The following RBFOX1 variants were observed in gnomAD, a reference collection of about 807,000 sequenced individuals.
RBFOX1 encodes the protein RNA binding protein fox-1 homolog 1.
Under a neutral mutation model 57.7 loss-of-function variants are expected in RBFOX1, and 8 were observed. The observed-to-expected ratio is 0.14, with a 90% CI of 0.08 to 0.25. RBFOX1 has a LOEUF of 0.25. Among genes scored for constraint, RBFOX1 ranks in the 10% least tolerant of loss-of-function variants. RBFOX1 has a pLI of 1.00. For synonymous variants in RBFOX1, 326 were observed against 222.4 expected (o/e 1.47, Z -4.15); for missense variants, 611 against 548.5 (o/e 1.11, Z -1.14).
chr16:7,691,653 C>G (rs575501043), intron 14 of RBFOX1, among the ~76,000 whole-genome samples: 38 of 152,184 alleles, frequency 2.5e-4, no homozygotes, highest in African/African-American at 8.4e-4. Flanking sequence ...TAAAAGTTAC[C>G]TATTCGTTCA....
chr16:5,483,785 C>G (rs1048674567), intron 2 of RBFOX1, among the ~76,000 whole-genome samples: 1 of 152,156 alleles, frequency 6.6e-6, no homozygotes, highest in Non-Finnish European at 1.5e-5. Context: ...AAACAACAGA[C>G]ATTTATTATT....
At chr16:5,658,363 G>A (rs1019337768) in intron 3 of RBFOX1, among the ~76,000 whole-genome samples, 11 of 152,250 alleles carry the variant, frequency 7.2e-5, no homozygotes, top group Admixed American at 7.2e-4. Context: ...GGGGACCCAG[G>A]CTGTCCTTCC....
chr16:7,160,427 C>T (rs1053207869), intron 4 of RBFOX1, among the ~76,000 whole-genome samples: 1 of 142,000 alleles, frequency 7.0e-6, no homozygotes, highest in African/African-American at 2.5e-5. Flanking sequence ...TTCCTTCCTT[C>T]TTTCGTAAGG....
chr16:5,851,510 C>A (rs1211072717), intron 3 of RBFOX1, among the ~76,000 whole-genome samples: 1 of 152,184 alleles, frequency 6.6e-6, no homozygotes, highest in East Asian at 1.9e-4. Flanking sequence ...AGATGAAATG[C>A]TCAGGGGTCA....
At chr16:7,634,337 G>GT (rs954576269) in intron 11 of RBFOX1, among the ~76,000 whole-genome samples, 5 of 149,054 alleles carry the variant, frequency 3.4e-5, no homozygotes, top group East Asian at 2.0e-4. Context: ...CTTCGTTTTT[G>GT]TTTTTTTGCG....
At chr16:7,676,169 G>A (rs986949329) in intron 13 of RBFOX1, among the ~76,000 whole-genome samples, 1 of 152,076 alleles carries the variant, frequency 6.6e-6, no homozygotes, top group Non-Finnish European at 1.5e-5. Context: ...ATAACCATGT[G>A]ATATCTTTGG....
intron 1 of RBFOX1, among the ~76,000 whole-genome samples, chr16:6,058,294 C>T (rs774066337): frequency 2.0e-5 from 3 of 151,410 alleles, no homozygotes; most frequent in Admixed American, 2.0e-4. Context: ...CTTTCCCTGC[C>T]TTCCTCCCTC....
chr16:5,839,143 A>G (rs956369083), intron 3 of RBFOX1, among the ~76,000 whole-genome samples: 9 of 152,248 alleles, frequency 5.9e-5, no homozygotes, highest in Non-Finnish European at 1.0e-4. Context: ...ACACGGACTT[A>G]TAACTAGAAG....
intron 1 of RBFOX1, among the ~76,000 whole-genome samples, chr16:5,353,867 T>C (rs887495849): frequency 9.9e-5 from 15 of 151,996 alleles, no homozygotes; most frequent in Non-Finnish European, 1.5e-5. Context: ...CAACAAGACA[T>C]GGCCTTTGCT....
chr16:5,617,393 G>A (rs964187521), intron 3 of RBFOX1, among the ~76,000 whole-genome samples: 18 of 152,204 alleles, frequency 1.2e-4, no homozygotes, highest in African/African-American at 4.1e-4. Flanking sequence ...TTCCCATCCC[G>A]GGTGCTCAGC....
intron 3 of RBFOX1, among the ~76,000 whole-genome samples, chr16:6,839,143 C>T (rs879396051): frequency 2.0e-5 from 3 of 152,002 alleles, no homozygotes; most frequent in Non-Finnish European, 4.4e-5. Context: ...CACCACCACA[C>T]CCAGCTAATT....
At chr16:7,300,985 A>T (rs776834738) in intron 4 of RBFOX1, among the ~76,000 whole-genome samples, 1 of 152,138 alleles carries the variant, frequency 6.6e-6, no homozygotes. Flanking sequence ...GTGGAGAGAT[A>T]AGAGTATTTT....
chr16:7,556,694 T>C (rs2088612368), intron 5 of RBFOX1, among the ~76,000 whole-genome samples: 1 of 152,184 alleles, frequency 6.6e-6, no homozygotes, highest in Non-Finnish European at 1.5e-5. Flanking sequence ...GCTAGCTATA[T>C]GGACCCCTTC....
intron 3 of RBFOX1, among the ~76,000 whole-genome samples, chr16:6,762,188 G>T (rs571703109): frequency 1.3e-5 from 2 of 151,376 alleles, no homozygotes; most frequent in South Asian, 2.1e-4. Flanking sequence ...ATTCCATAGG[G>T]TTATAATTAG....
At chr16:6,990,853 T>C (rs1420801647) in intron 3 of RBFOX1, among the ~76,000 whole-genome samples, 1 of 152,044 alleles carries the variant, frequency 6.6e-6, no homozygotes, top group African/African-American at 2.4e-5. Context: ...CCATGCTATG[T>C]CTAGTTGCTA....
chr16:6,800,361 A>G (rs1274001068), intron 3 of RBFOX1, among the ~76,000 whole-genome samples: 1 of 152,156 alleles, frequency 6.6e-6, no homozygotes, highest in Admixed American at 6.5e-5. Flanking sequence ...TTTTTCATGC[A>G]ATAAGTTAAG....
In RBFOX1 at chr16:5,272,227, C is replaced by T. The variant is rs564657087; in HGVS notation, c.219+32122C>T. 4.6e-5 allele frequency among the ~76,000 whole-genome samples: 7 copies of T among 152,292 alleles called. No individual in the cohort carries two copies. In the East Asian group the frequency reaches 1.2e-3, roughly 25 times the overall value. On this transcript the variant is annotated intron_variant, in intron 1 of 2. Transcript: ENST00000585867. ...CTAAGAGGGTACATTTCAAATGTCTCATCCTAAAAATTTTCAGTAAATTAG... is the reference window on the plus strand; with the variant it reads ...CTAAGAGGGTACATTTCAAATGTCTTATCCTAAAAATTTTCAGTAAATTAG...
At chr16:6,894,856 C>G (rs1162856473) in intron 3 of RBFOX1, among the ~76,000 whole-genome samples, 1 of 152,180 alleles carries the variant, frequency 6.6e-6, no homozygotes, top group Non-Finnish European at 1.5e-5. Context: ...GTTTAATTCT[C>G]TGCCACAGTT....
At chr16:6,080,787 G>C (rs1486538939) in intron 1 of RBFOX1, among the ~76,000 whole-genome samples, 3 of 152,190 alleles carry the variant, frequency 2.0e-5, no homozygotes, top group African/African-American at 7.2e-5. Context: ...ACAGACTTTT[G>C]GTAACCGGCC....
Sources: allele counts gnomAD v4.1 joint callset (sites outside exome capture counted in the v4.1 genomes callset), GRCh38; gene constraint gnomAD v4.1.1; transcripts MANE v1.5; gene names NCBI Gene and HGNC (gene_info 2026-07-23, HGNC 2026-07-21).